DCAF1: variants seen among roughly 807,000 people sequenced by gnomAD.
The protein encoded by DCAF1 is DDB1 and CUL4 associated factor 1.
A neutral mutation model predicts 128.0 loss-of-function variants in DCAF1; 15 were observed. That is an observed-to-expected ratio of 0.12 (90% confidence interval 0.08 to 0.18). The LOEUF (loss-of-function observed/expected upper bound fraction) is 0.18. Ranked by LOEUF, DCAF1 falls within the 10% of genes least tolerant of loss-of-function variation. The pLI is 1.00. For missense variants in DCAF1, 988 were observed against 1,649.5 expected, an observed-to-expected ratio of 0.60 and a Z score of 6.95; for synonymous variants, 610 against 603.0, an observed-to-expected ratio of 1.01 and a Z score of -0.17.
At chr3:51,448,063 G>GT (rs1282930299) in intron 6 of DCAF1, among the ~76,000 whole-genome samples, 2 of 152,086 alleles carry the variant, frequency 1.3e-5, no homozygotes. Context: ...TTGCAGGAAT[G>GT]TTTTTTTACT....
chr3:51,397,312 T>C (rs1553623297), downstream of DCAF1: 1 of 167,072 alleles, frequency 6.0e-6, no homozygotes, highest in Non-Finnish European at 1.5e-5. Context: ...TTACACAGTT[T>C]AACCATAGGC....
intron 23 of DCAF1, among the ~76,000 whole-genome samples, chr3:51,412,088 GA>G (rs1698475039): frequency 1.7e-5 from 2 of 115,120 alleles, no homozygotes; most frequent in Admixed American, 2.4e-4. Context: ...CAGCCTCGGC[GA>G]CAAGAGCAAA....
At chr3:51,425,521 G>C (rs1699824896) in intron 13 of DCAF1, among the ~76,000 whole-genome samples, 1 of 140,280 alleles carries the variant, frequency 7.1e-6, no homozygotes, top group South Asian at 2.4e-4. Flanking sequence ...TTTAAAAAAT[G>C]TATTTATACC....
chr3:51,425,862 C>T (rs1699867317), intron 13 of DCAF1, among the ~76,000 whole-genome samples: 1 of 152,014 alleles, frequency 6.6e-6, no homozygotes, highest in Non-Finnish European at 1.5e-5. Flanking sequence ...CCACGCCTGG[C>T]CTATCATCAC....
At chr3:51,417,612 C>T (rs1054722732) in intron 17 of DCAF1, among the ~76,000 whole-genome samples, 14 of 151,668 alleles carry the variant, frequency 9.2e-5, no homozygotes, top group African/African-American at 1.2e-4. Flanking sequence ...CCCAGCTGCT[C>T]GGGAGGCTAA....
intron 9 of DCAF1, among the ~76,000 whole-genome samples, chr3:51,438,555 G>C (rs1217085730): frequency 6.6e-6 from 1 of 152,206 alleles, no homozygotes; most frequent in Non-Finnish European, 1.5e-5. Context: ...ATAAAGATTA[G>C]AATGAAGCAC....
chr3:51,469,221 ATTTTTTTT>A (rs781851604), intron 4 of DCAF1, among the ~76,000 whole-genome samples: 1 of 116,722 alleles, frequency 8.6e-6, no homozygotes, highest in Non-Finnish European at 1.7e-5. Context: ...CCACACACAA[ATTTTTTTT>A]TTTTTTTTTT....
At chr3:51,429,889 G>A (rs1700222199) in intron 11 of DCAF1, 144 bp downstream of exon 11, 1 of 582,558 alleles carries the variant, frequency 1.7e-6, no homozygotes, top group Non-Finnish European at 3.1e-6. Context: ...GTGAAGAAAG[G>A]GAAAAAAAAA....
chr3:51,402,361 C>T (rs940778642), intron 24 of DCAF1, among the ~76,000 whole-genome samples: 22 of 152,116 alleles, frequency 1.4e-4, no homozygotes, highest in Non-Finnish European at 1.9e-4. Context: ...TGCCTCTCGG[C>T]GGAGAGCTAC....
chr3:51,440,114 T>C, intron 9 of DCAF1: 1 of 501,964 alleles, frequency 2.0e-6, no homozygotes, highest in Non-Finnish European at 3.9e-6. Flanking sequence ...GGCCACCCCA[T>C]GTCTAGATTC....
chr3:51,412,751 C>G (rs1553628885), intron 22 of DCAF1, among the ~76,000 whole-genome samples: 1 of 152,136 alleles, frequency 6.6e-6, no homozygotes, highest in East Asian at 1.9e-4. Context: ...AAAGGGATGA[C>G]AGTGTGAGTC....
At chr3:51,402,722 G>C (rs1410283735) in intron 24 of DCAF1, among the ~76,000 whole-genome samples, 1 of 151,952 alleles carries the variant, frequency 6.6e-6, no homozygotes, top group Non-Finnish European at 1.5e-5. Flanking sequence ...TTATAGGCAT[G>C]TGCCACCACG....
At chr3:51,457,263 G>A (rs868938208) in intron 6 of DCAF1, among the ~76,000 whole-genome samples, 160 of 152,286 alleles carry the variant, frequency 1.1e-3, no homozygotes, top group Non-Finnish European at 1.6e-3. Flanking sequence ...GCTACGTGAC[G>A]AATGCAGAAG....
intron 2 of DCAF1, among the ~76,000 whole-genome samples, chr3:51,492,156 CAAA>C (rs781990527): frequency 9.8e-6 from 1 of 101,688 alleles, no homozygotes; most frequent in African/African-American, 3.8e-5. Context: ...AGACCCGTCT[CAAA>C]AAAAAAAAAA....
At chr3:51,483,679 G>T in intron 3 of DCAF1, 40 bp downstream of exon 3, 1 of 1,371,642 alleles carries the variant, frequency 7.3e-7, no homozygotes, top group Non-Finnish European at 1.0e-6. Context: ...TTGTGTCCGA[G>T]GTTTTTTATT....
chr3:51,445,027 T>A (rs1701723391), intron 6 of DCAF1, among the ~76,000 whole-genome samples: 1 of 152,150 alleles, frequency 6.6e-6, no homozygotes, highest in Admixed American at 6.6e-5. Flanking sequence ...CATATAAACA[T>A]GCGTGGTCCA....
At chr3:51,463,857 T>C (rs1266793174) in intron 5 of DCAF1, among the ~76,000 whole-genome samples, 2 of 151,990 alleles carry the variant, frequency 1.3e-5, no homozygotes, top group African/African-American at 4.8e-5. Flanking sequence ...CATATACACT[T>C]TAATGATTTT....
intron 6 of DCAF1, among the ~76,000 whole-genome samples, chr3:51,456,750 T>C (rs1421987610): frequency 6.6e-6 from 1 of 152,106 alleles, no homozygotes; most frequent in Non-Finnish European, 1.5e-5. Context: ...GCATCTGTGG[T>C]TCACCAATAT....
chr3:51,504,754 G>A (rs1033002842), upstream of DCAF1, among the ~76,000 whole-genome samples: 29 of 152,154 alleles, frequency 1.9e-4, no homozygotes, highest in African/African-American at 6.8e-4. Flanking sequence ...TCTGGAGACT[G>A]CTGGGGCAGA....
Sources: allele counts gnomAD v4.1 joint callset (sites outside exome capture counted in the v4.1 genomes callset), GRCh38; gene constraint gnomAD v4.1.1; transcripts MANE v1.5; gene names NCBI Gene and HGNC (gene_info 2026-07-23, HGNC 2026-07-21).